The following WDFY2 variants were observed in gnomAD, a reference collection of about 807,000 sequenced individuals.
WDFY2 encodes the protein WD repeat and FYVE domain-containing protein 2.
A neutral mutation model predicts 56.4 loss-of-function variants in WDFY2; 36 were observed. The ratio of observed to expected loss-of-function variants is 0.64; its 90% CI spans 0.49 to 0.84. WDFY2 has a LOEUF of 0.84. WDFY2 is among the 40% of genes least tolerant of loss of function. The pLI is 0.00. For synonymous variants in WDFY2, 176 were observed against 183.7 expected (o/e 0.96, Z 0.34); for missense variants, 444 against 512.2 (o/e 0.87, Z 1.29).
chr13:51,599,904 A>C (rs1018238756), intron 1 of WDFY2, among the ~76,000 whole-genome samples: 6 of 151,976 alleles, frequency 3.9e-5, no homozygotes, highest in African/African-American at 1.4e-4. Context: ...AACAAAAAAA[A>C]AAACAAAACA....
chr13:51,725,662 G>A (rs1405116723), intron 5 of WDFY2, among the ~76,000 whole-genome samples: 1 of 149,694 alleles, frequency 6.7e-6, no homozygotes, highest in East Asian at 1.9e-4. Flanking sequence ...ATATACATAT[G>A]TGTGTGTGTG....
chr13:51,755,496 A>G (rs1457564256), intron 9 of WDFY2, 37 bp downstream of exon 9: 2 of 1,585,948 alleles, frequency 1.3e-6, no homozygotes, highest in South Asian at 2.2e-5. Context: ...ATGTAATTAT[A>G]TGGAAATAGC....
chr13:51,660,287 C>G (rs1460581819), intron 1 of WDFY2, among the ~76,000 whole-genome samples: 1 of 151,662 alleles, frequency 6.6e-6, no homozygotes, highest in African/African-American at 2.4e-5. Flanking sequence ...ACCTCTGCCT[C>G]TGGTGTTCAA....
chr13:51,585,135 G>A (rs947172700), intron 1 of WDFY2, among the ~76,000 whole-genome samples: 6 of 152,236 alleles, frequency 3.9e-5, no homozygotes, highest in Non-Finnish European at 5.9e-5. Context: ...AGGACAGGAG[G>A]GAAAGAGGGG....
intron 1 of WDFY2, chr13:51,591,668 G>T (rs1262131574): frequency 6.6e-6 from 1 of 152,142 alleles, no homozygotes; most frequent in African/African-American, 2.4e-5. Flanking sequence ...GATCCTAGTT[G>T]TGACCGTTTC....
chr13:51,585,781 A>G (rs1181039761), intron 1 of WDFY2, among the ~76,000 whole-genome samples: 2 of 152,252 alleles, frequency 1.3e-5, no homozygotes, highest in African/African-American at 4.8e-5. Context: ...ATATAAGTTC[A>G]AATCATGCAG....
At chr13:51,712,954 C>T (rs1476991008) in intron 4 of WDFY2, among the ~76,000 whole-genome samples, 1 of 152,068 alleles carries the variant, frequency 6.6e-6, no homozygotes, top group Non-Finnish European at 1.5e-5. Context: ...AGTTCTGTAT[C>T]TACTAATGAA....
chr13:51,605,758 C>G (rs1043597502), intron 1 of WDFY2, among the ~76,000 whole-genome samples: 31 of 152,084 alleles, frequency 2.0e-4, no homozygotes, highest in African/African-American at 7.5e-4. Flanking sequence ...AAGGAGAATG[C>G]AAAGGGTATT....
intron 2 of WDFY2, among the ~76,000 whole-genome samples, chr13:51,664,178 A>G (rs1402512286): frequency 1.3e-5 from 2 of 152,218 alleles, no homozygotes; most frequent in Admixed American, 1.3e-4. Context: ...TGCAGACAAG[A>G]GAAAGAAGAG....
At position 51,712,682 on chromosome 13, in the gene WDFY2, C is replaced by T. The variant is rs4943017; in HGVS notation, c.335-6516C>T. On this transcript the variant is annotated intron_variant, in intron 4 of 11. Transcript: ENST00000298125. The stretch of plus-strand genomic sequence containing the variant: ...AAAATAGAGAAAAATCAATGAAATC[C>T]AAAAGCTAGTGTTTTGATAAGCTCA... 4.5e-3 allele frequency among the ~76,000 whole-genome samples: 684 copies of T among 150,664 alleles called. 4 individuals are homozygous for T. Among genetic ancestry groups the T allele is most frequent in the Admixed American group, 0.018 (275 of 15,150 alleles).
chr13:51,756,641 T>G (rs1953391928), intron 10 of WDFY2, 179 bp downstream of exon 10: 2 of 985,212 alleles, frequency 2.0e-6, no homozygotes, highest in Non-Finnish European at 2.4e-6. Flanking sequence ...TCCTGTGAGA[T>G]GAGAGAAGAG....
At chr13:51,713,691 T>C (rs1382654410) in intron 4 of WDFY2, among the ~76,000 whole-genome samples, 1 of 151,676 alleles carries the variant, frequency 6.6e-6, no homozygotes, top group Non-Finnish European at 1.5e-5. Context: ...TCTACTAAAA[T>C]ATAAAAATTA....
At chr13:51,673,525 A>G (rs919740320) in intron 2 of WDFY2, among the ~76,000 whole-genome samples, 1 of 152,254 alleles carries the variant, frequency 6.6e-6, no homozygotes, top group Non-Finnish European at 1.5e-5. Flanking sequence ...TGAACACAAG[A>G]ATAATTTTTC....
chr13:51,746,655 G>T (rs1378365897), intron 7 of WDFY2, among the ~76,000 whole-genome samples: 1 of 152,174 alleles, frequency 6.6e-6, no homozygotes, highest in Non-Finnish European at 1.5e-5. Flanking sequence ...CTTAAATTCT[G>T]GGCAATGAGT....
chr13:51,702,914 T>C (rs1247967671), intron 3 of WDFY2, among the ~76,000 whole-genome samples: 6 of 152,196 alleles, frequency 3.9e-5, no homozygotes, highest in African/African-American at 1.4e-4. Context: ...AGCTTCTACA[T>C]ACAGGTCACT....
intron 1 of WDFY2, among the ~76,000 whole-genome samples, chr13:51,635,235 A>G (rs1431114186): frequency 6.6e-6 from 1 of 151,974 alleles, no homozygotes; most frequent in Non-Finnish European, 1.5e-5. Flanking sequence ...GAGCTACTGC[A>G]CCCCCGGCAG....
chr13:51,703,574 A>G (rs1000614753), intron 3 of WDFY2, 22 bp from the exon 4 acceptor site: 1 of 1,543,998 alleles, frequency 6.5e-7, no homozygotes, highest in Non-Finnish European at 8.8e-7. Context: ...TTTTTGTTTA[A>G]TAGTTTTCTT....
At chr13:51,722,602 G>A (rs1461318756) in intron 5 of WDFY2, among the ~76,000 whole-genome samples, 3 of 152,154 alleles carry the variant, frequency 2.0e-5, no homozygotes, top group African/African-American at 7.2e-5. Flanking sequence ...ACAATAATGT[G>A]AAGTAAAAAC....
chr13:51,736,535 C>T (rs983023440), intron 6 of WDFY2, among the ~76,000 whole-genome samples: 1 of 152,208 alleles, frequency 6.6e-6, no homozygotes, highest in African/African-American at 2.4e-5. Context: ...CTCTGTTGCC[C>T]AGGCTGGAGT....
Sources: gnomAD v4.1 joint callset for allele counts (sites outside exome capture counted in the v4.1 genomes callset) on GRCh38, gnomAD v4.1.1 for gene constraint, MANE v1.5 for transcripts, NCBI Gene and HGNC (gene_info 2026-07-23, HGNC 2026-07-21) for gene names.